CRISPLD2: variants seen among roughly 807,000 people sequenced by gnomAD.
The protein encoded by CRISPLD2 is cysteine-rich secretory protein LCCL domain-containing 2.
CRISPLD2 carries 47 observed loss-of-function variants against 71.1 expected under a neutral mutation model. That is an observed-to-expected ratio of 0.66 (90% CI 0.52 to 0.84). CRISPLD2 has a LOEUF of 0.84. Ranked by LOEUF, CRISPLD2 falls within the 40% of genes least tolerant of loss-of-function variation. CRISPLD2 has a pLI of 0.00. For synonymous variants in CRISPLD2, 317 were observed against 250.1 expected, an observed-to-expected ratio of 1.27 and a Z score of -2.52; for missense variants, 830 against 651.1, an observed-to-expected ratio of 1.27 and a Z score of -2.99.
chr16:84,894,393 CA>C (rs2071688048), intron 14 of CRISPLD2, among the ~76,000 whole-genome samples: 1 of 152,124 alleles, frequency 6.6e-6, no homozygotes, highest in African/African-American at 2.4e-5. Flanking sequence ...CATTCTTGGC[CA>C]CTTGATTTTT....
chr16:84,883,405 T>C (rs569381423), intron 13 of CRISPLD2, among the ~76,000 whole-genome samples: 1 of 152,324 alleles, frequency 6.6e-6, no homozygotes, highest in South Asian at 2.1e-4. Context: ...AGCATCGGGG[T>C]GTGGCCCAGG....
At chr16:84,890,355 T>C (rs377297958) in intron 14 of CRISPLD2, among the ~76,000 whole-genome samples, 1 of 147,522 alleles carries the variant, frequency 6.8e-6, no homozygotes, top group South Asian at 2.1e-4. Flanking sequence ...TGAGACTCCA[T>C]CTCAAAAAAA....
chr16:84,884,071 C>G (rs2071591167), intron 13 of CRISPLD2, among the ~76,000 whole-genome samples: 1 of 152,174 alleles, frequency 6.6e-6, no homozygotes, highest in African/African-American at 2.4e-5. Context: ...TCTCGAACTC[C>G]TGACCTCAAG....
At chr16:84,846,415 G>T (rs1187502452) in intron 3 of CRISPLD2, among the ~76,000 whole-genome samples, 1 of 152,150 alleles carries the variant, frequency 6.6e-6, no homozygotes, top group African/African-American at 2.4e-5. Context: ...ACCACGCCTG[G>T]CTAATTTTTG....
At chr16:84,903,755 G>A (rs2071776421) in intron 14 of CRISPLD2, among the ~76,000 whole-genome samples, 1 of 152,206 alleles carries the variant, frequency 6.6e-6, no homozygotes, top group Admixed American at 6.5e-5. Context: ...ATTCCCAAAA[G>A]CAGTGTTCAA....
intron 1 of CRISPLD2, among the ~76,000 whole-genome samples, chr16:84,835,967 A>G (rs192079511): frequency 1.3e-3 from 202 of 152,270 alleles, no homozygotes; most frequent in Non-Finnish European, 4.3e-4. Context: ...ACAATCCAAA[A>G]TCCGAAATGC....
chr16:84,880,608 A>G (rs755758464), intron 13 of CRISPLD2, 24 bp downstream of exon 13: 18 of 1,601,940 alleles, frequency 1.1e-5, no homozygotes, highest in Admixed American at 3.3e-5. Context: ...ATTTTCAACA[A>G]CTATCTCGCA....
chr16:84,872,560 A>T, intron 9 of CRISPLD2, 52 bp downstream of exon 9: 1 of 1,483,994 alleles, frequency 6.7e-7, no homozygotes, highest in Non-Finnish European at 9.3e-7. Flanking sequence ...CCTGTTGCAT[A>T]TGTTTAAAGC....
rs151279705 is a variant in CRISPLD2 at position 84,835,644 on chromosome 16, C to T, written c.-74-2778C>T. Among the ~76,000 whole-genome samples the T allele has an allele frequency of 4.6e-5, 7 of 152,318 alleles. No individual in the cohort carries two copies. The East Asian group carries it at 1.4e-3, about 29-fold the overall frequency. ...GGCACTTGGAGAAACCCTCCCATTC[C>T]TCTCCCCTTTTCCTTCTGTTGTCTT... is the stretch of plus-strand genomic sequence containing the variant. On this transcript the variant is annotated intron_variant, in intron 1 of 14. Transcript: ENST00000262424.
chr16:84,832,659 G>A (rs918289533), intron 1 of CRISPLD2, among the ~76,000 whole-genome samples: 1 of 152,256 alleles, frequency 6.6e-6, no homozygotes, highest in African/African-American at 2.4e-5. Context: ...CCAGTGAAGC[G>A]GGGCATGTCG....
chr16:84,828,078 A>C (rs746651928), intron 1 of CRISPLD2, among the ~76,000 whole-genome samples: 14 of 152,092 alleles, frequency 9.2e-5, no homozygotes, highest in Non-Finnish European at 1.9e-4. Context: ...TGCAGATCCC[A>C]AGGACTCCTG....
chr16:84,901,340 C>T (rs563364693), intron 14 of CRISPLD2, among the ~76,000 whole-genome samples: 105 of 152,130 alleles, frequency 6.9e-4, no homozygotes, highest in African/African-American at 2.4e-3. Context: ...GAACTTGGTG[C>T]AGAAAGACAG....
At chr16:84,836,849 C>T (rs1407654993) in intron 1 of CRISPLD2, among the ~76,000 whole-genome samples, 3 of 152,260 alleles carry the variant, frequency 2.0e-5, no homozygotes, top group South Asian at 2.1e-4. Context: ...AACTGAGCCC[C>T]GTGGAGTTCC....
chr16:84,845,963 C>T lies in CRISPLD2; in HGVS notation c.359+59C>T, dbSNP rs879160002. The stretch of plus-strand genomic sequence containing the variant: ...GGACCCCACTGCCGTGTGCCGGGCT[C>T]AGCACTTGTGCCCCTTATCAAGTTT... On this transcript the variant is annotated intron_variant, in intron 3 of 14. Coordinates refer to ENST00000262424, the MANE Select transcript of CRISPLD2 (RefSeq NM_031476.4). 2.4e-5 allele frequency: 26 copies of T among 1,103,190 alleles called. No homozygotes were observed. The East Asian group carries it at 4.8e-4, about 20-fold the overall frequency. 68.3% of individuals were successfully genotyped at this position (1,103,190 alleles called of 1,614,324 possible).
intron 4 of CRISPLD2, among the ~76,000 whole-genome samples, chr16:84,849,865 G>T (rs1385615479): frequency 6.7e-6 from 1 of 148,760 alleles, no homozygotes; most frequent in Non-Finnish European, 1.5e-5. Context: ...CTACAGTTGT[G>T]CACTACGAGG....
intron 11 of CRISPLD2, among the ~76,000 whole-genome samples, chr16:84,876,920 C>G (rs7203137): frequency 1.3e-5 from 2 of 152,198 alleles, no homozygotes; most frequent in African/African-American, 4.8e-5. Flanking sequence ...ACAAAATGAC[C>G]TTGAAGATAA....
intron 13 of CRISPLD2, among the ~76,000 whole-genome samples, chr16:84,882,164 C>A (rs994646382): frequency 2.6e-5 from 4 of 151,948 alleles, no homozygotes; most frequent in South Asian, 2.1e-4. Flanking sequence ...GCAATCCCAG[C>A]CAAATACAAA....
chr16:84,837,509 C>T lies in CRISPLD2; in HGVS notation c.-74-913C>T, dbSNP rs112724656. Among the ~76,000 whole-genome samples, 496 of 151,928 alleles carry T rather than the reference C, an allele frequency of 3.3e-3. 2 individuals are homozygous for T. The highest frequency in any genetic ancestry group is 0.011 in the African/African-American group (465 of 41,428). On this transcript the variant is annotated intron_variant, in intron 1 of 14. Coordinates refer to ENST00000262424, the MANE Select transcript of CRISPLD2 (RefSeq NM_031476.4). ...TCGGCTCACTGCAAGCTCCGCCTCC[C>T]GGGTTCACGCCATTCTCCCGCCTCA...
At chr16:84,821,427 T>C (rs1275339266) in intron 1 of CRISPLD2, among the ~76,000 whole-genome samples, 1 of 152,204 alleles carries the variant, frequency 6.6e-6, no homozygotes, top group African/African-American at 2.4e-5. Flanking sequence ...TTACCTGTAT[T>C]GTCATCGCTG....
Sources: allele counts gnomAD v4.1 joint callset (sites outside exome capture counted in the v4.1 genomes callset), GRCh38; gene constraint gnomAD v4.1.1; transcripts MANE v1.5; gene names NCBI Gene and HGNC (gene_info 2026-07-23, HGNC 2026-07-21).